Variants in PDE1C observed in about 807,000 individuals in gnomAD.
PDE1C encodes the protein dual specificity calcium/calmodulin-dependent 3',5'-cyclic nucleotide phosphodiesterase 1C.
Under a neutral mutation model 93.1 loss-of-function variants are expected in PDE1C, and 62 were observed. That is an observed-to-expected ratio of 0.67 (90% confidence interval 0.54 to 0.82). The LOEUF is 0.82. Among genes scored for constraint, PDE1C ranks in the 40% least tolerant of loss-of-function variants. PDE1C has a pLI of 0.00. For synonymous variants in PDE1C, 325 were observed against 310.1 expected, an observed-to-expected ratio of 1.05 and a Z score of -0.50; for missense variants, 742 against 884.6, an observed-to-expected ratio of 0.84 and a Z score of 2.04.
the PDE1C span, among the ~76,000 whole-genome samples, chr7:31,641,224 A>T: frequency 6.6e-6 from 1 of 152,222 alleles, no homozygotes; most frequent in African/African-American, 2.4e-5. Flanking sequence ...CTTCGTCAGC[A>T]GTTGTTCAAG....
At chr7:31,958,993 C>T (rs1326614605) in intron 2 of PDE1C, among the ~76,000 whole-genome samples, 1 of 152,084 alleles carries the variant, frequency 6.6e-6, no homozygotes, top group Non-Finnish European at 1.5e-5. Context: ...ACCCCTTTCC[C>T]CAGTACAAAA....
At chr7:32,165,407 A>G (rs1397280981) in intron 3 of PDE1C, among the ~76,000 whole-genome samples, 13 of 152,204 alleles carry the variant, frequency 8.5e-5, no homozygotes, top group Non-Finnish European at 1.9e-4. Context: ...TTGTTCTCAC[A>G]CTGCTATAAA....
At chr7:31,686,940 A>G in the PDE1C span, 14 of 152,202 alleles carry the variant, frequency 9.2e-5, no homozygotes, top group Admixed American at 9.2e-4. Context: ...CAGTTTCCAT[A>G]TTTACAAAAT....
At chr7:32,214,834 CCTGGGCG>C (rs1806304547) in intron 1 of PDE1C, among the ~76,000 whole-genome samples, 2 of 152,150 alleles carry the variant, frequency 1.3e-5, no homozygotes, top group African/African-American at 4.8e-5. Flanking sequence ...TTGAGCACCA[CCTGGGCG>C]CTGGGCAGTG....
chr7:32,255,101 C>T, intron 1 of PDE1C, among the ~76,000 whole-genome samples: 1 of 152,164 alleles, frequency 6.6e-6, no homozygotes, highest in East Asian at 1.9e-4. Context: ...TGGAAATCAC[C>T]CACATTGATA....
chr7:32,356,873 C>T (rs1192175632), intron 1 of PDE1C, among the ~76,000 whole-genome samples: 2 of 152,090 alleles, frequency 1.3e-5, no homozygotes, highest in East Asian at 3.9e-4. Context: ...GAGTGAAATT[C>T]ATCCCCGGGT....
chr7:32,049,210 C>A (rs147070140), intron 2 of PDE1C, among the ~76,000 whole-genome samples: 1 of 152,278 alleles, frequency 6.6e-6, no homozygotes, highest in Admixed American at 6.5e-5. Flanking sequence ...CGAACCTGAA[C>A]AAGACAGAAT....
rs55796462 is a variant in PDE1C at position 32,315,993 on chromosome 7, T to C, written c.311-106454A>G. 3.2e-3 allele frequency among the ~76,000 whole-genome samples: 489 copies of C among 152,242 alleles called. 1 individual carries two copies. Among genetic ancestry groups the C allele is most frequent in the African/African-American group, 0.011 (451 of 41,554 alleles). On this transcript the variant is annotated intron_variant, in intron 1 of 1. Coordinates refer to the PDE1C transcript ENST00000672256. ...CTGGGCAACAAGAGCGAAAACTCCA[T>C]CTCAAAAAATATATATATGTTTTAT...
chr7:32,047,187 A>G (rs1792724008), intron 2 of PDE1C, among the ~76,000 whole-genome samples: 1 of 151,944 alleles, frequency 6.6e-6, no homozygotes, highest in South Asian at 2.1e-4. Flanking sequence ...GTTATTTCTA[A>G]GTATTTCTCA....
chr7:31,974,634 G>A (rs1811408217), intron 2 of PDE1C, among the ~76,000 whole-genome samples: 1 of 152,114 alleles, frequency 6.6e-6, no homozygotes, highest in African/African-American at 2.4e-5. Flanking sequence ...TAAAAGGCAG[G>A]GAGGGAGGGA....
chr7:31,651,834 C>A, the PDE1C span: 3 of 708,174 alleles, frequency 4.2e-6, no homozygotes, highest in Non-Finnish European at 7.1e-6. Context: ...ATGACATTCT[C>A]TTTTAAGAAA....
intron 1 of PDE1C, among the ~76,000 whole-genome samples, chr7:32,067,340 A>G (rs1329882867): frequency 6.6e-6 from 1 of 152,142 alleles, no homozygotes; most frequent in Non-Finnish European, 1.5e-5. Context: ...CAAACCAAAA[A>G]CCCTGTCTTC....
At chr7:31,621,801 C>T in the PDE1C span, among the ~76,000 whole-genome samples, 14 of 150,648 alleles carry the variant, frequency 9.3e-5, no homozygotes, top group African/African-American at 3.4e-4. Context: ...AATTAAAAGA[C>T]ACAGACTGGC....
At chr7:32,000,739 T>C (rs1785350418) in intron 2 of PDE1C, among the ~76,000 whole-genome samples, 2 of 152,164 alleles carry the variant, frequency 1.3e-5, no homozygotes, top group African/African-American at 4.8e-5. Flanking sequence ...GCCTCCATTC[T>C]CTGCCGGGGA....
chr7:31,651,975 C>A, the PDE1C span: 25 of 1,604,320 alleles, frequency 1.6e-5, no homozygotes, highest in Non-Finnish European at 2.1e-5. Context: ...TACGTGAGGC[C>A]CTGAGGCAGC....
rs201173509 is a variant in PDE1C at position 32,087,394 on chromosome 7, C to T, written c.308+82391G>A. ...GTGGAGAAATAGGAACACTTTTACA[C>T]TGTTGGTGGGACTGTAAACTAGTCC... On this transcript the variant is annotated intron_variant, in intron 3 of 18. Coordinates refer to the PDE1C transcript ENST00000396193. Among the ~76,000 whole-genome samples the T allele has an allele frequency of 7.9e-5, 12 of 152,268 alleles. No homozygotes were observed. In the East Asian group the frequency reaches 2.1e-3, roughly 27 times the overall value.
intron 2 of PDE1C, among the ~76,000 whole-genome samples, chr7:32,036,134 CT>C (rs908129126): frequency 2.6e-5 from 4 of 152,166 alleles, no homozygotes; most frequent in Non-Finnish European, 5.9e-5. Context: ...TCAGAAATGA[CT>C]TTTTCTCCTA....
chr7:31,678,904 T>C, the PDE1C span, among the ~76,000 whole-genome samples: 2 of 152,184 alleles, frequency 1.3e-5, no homozygotes. Context: ...GCCTTGATTC[T>C]TGTTACAGAT....
intron 7 of PDE1C, among the ~76,000 whole-genome samples, chr7:31,860,425 T>G (rs1794555435): frequency 2.0e-5 from 3 of 152,200 alleles, no homozygotes; most frequent in African/African-American, 7.2e-5. Context: ...TATCACACTT[T>G]CAACATTTTT....
Sources: gnomAD v4.1 joint callset for allele counts (sites outside exome capture counted in the v4.1 genomes callset) on GRCh38, gnomAD v4.1.1 for gene constraint, MANE v1.5 for transcripts, NCBI Gene and HGNC (gene_info 2026-07-23, HGNC 2026-07-21) for gene names.